ESYT2: variants seen among roughly 807,000 people sequenced by gnomAD.
The protein encoded by ESYT2 is extended synaptotagmin 2, also known as extended synaptotagmin-2.
Under a neutral mutation model 107.2 loss-of-function variants are expected in ESYT2, and 54 were observed. The ratio of observed to expected loss-of-function variants is 0.50; its 90% CI spans 0.40 to 0.63. The LOEUF (loss-of-function observed/expected upper bound fraction) is 0.63, where lower values mean the gene tolerates loss of function less well. ESYT2 is among the 30% of genes least tolerant of loss of function. The pLI is 0.00. For synonymous variants in ESYT2, 491 were observed against 434.1 expected, an observed-to-expected ratio of 1.13 and a Z score of -1.63; for missense variants, 1,020 against 1,094.5, an observed-to-expected ratio of 0.93 and a Z score of 0.96.
intron 7 of ESYT2, among the ~76,000 whole-genome samples, chr7:158,772,445 T>G (rs1563642066): frequency 1.3e-5 from 2 of 152,218 alleles, no homozygotes; most frequent in African/African-American, 4.8e-5. Flanking sequence ...GTTTCATAAT[T>G]TTCTAAACTA....
At chr7:158,757,444 T>C (rs1360895821) in intron 13 of ESYT2, among the ~76,000 whole-genome samples, 2 of 152,204 alleles carry the variant, frequency 1.3e-5, no homozygotes, top group East Asian at 3.9e-4. Context: ...CTTAGGGCAG[T>C]GGAGCCAGGG....
In ESYT2 at chr7:158,767,684, T is replaced by G. The variant is rs753491578; in HGVS notation, c.894A>C (p.Gln298His). 1 of 1,612,784 alleles carries G rather than the reference T, an allele frequency of 6.2e-7. No individual in the cohort carries two copies. Among genetic ancestry groups the G allele is most frequent in the East Asian group, 2.2e-5 (1 of 44,808 alleles). Residue 298 changes from glutamine (Q) to histidine (H), a missense_variant, in exon 8 of 23, where the codon CAA (glutamine) becomes CAC (histidine). Gln to His is a conservative substitution (Grantham distance 24). Coordinates refer to ENST00000275418, the MANE Select transcript of ESYT2 (RefSeq NM_001367773.1). ...GTACAGGAAACCGCAACTGAGCTAT[T>G]TGAACTTCACTGACAAGTGGAACGG... ...RITVPLVSEV[Q>H]IAQLRFPVPK... is the part of the protein sequence containing the mutation.
chr7:158,758,528 GA>G (rs1262646815), intron 13 of ESYT2, among the ~76,000 whole-genome samples: 1 of 152,216 alleles, frequency 6.6e-6, no homozygotes, highest in African/African-American at 2.4e-5. Context: ...AAAGACACAG[GA>G]AGACGATTTA....
chr7:158,793,019 C>T (rs1022268042), intron 4 of ESYT2, among the ~76,000 whole-genome samples: 1 of 152,046 alleles, frequency 6.6e-6, no homozygotes, highest in African/African-American at 2.4e-5. Context: ...CCGCCCGCCT[C>T]GGCCTTCCAA....
chr7:158,733,335 T>TG lies in ESYT2; in HGVS notation c.*871dup, dbSNP rs1316069789. ...ATTGAAAATTAACAAAGCTCATGAC[T>TG]GATTGTTTGACAACAGCTTAATTGC... On this transcript the variant is annotated 3_prime_UTR_variant, in exon 23 of 23. Coordinates refer to ENST00000275418, the MANE Select transcript of ESYT2 (RefSeq NM_001367773.1). 1 of 152,250 alleles carries TG rather than the reference T, an allele frequency of 6.6e-6. No homozygotes were observed. The highest frequency in any genetic ancestry group is 1.5e-5 in the Non-Finnish European group (1 of 68,030). The allele number at this position is 152,250 out of a possible 1,614,324, so 9.4% of individuals were successfully genotyped here. A position where few individuals can be genotyped will look rare whatever the true frequency, so the allele number is the denominator to read the frequency against.
In ESYT2 at chr7:158,733,459, C is replaced by T. The variant is rs1013466095; in HGVS notation, c.*748G>A. On this transcript the variant is annotated 3_prime_UTR_variant, in exon 23 of 23. Transcript: ENST00000275418. ...AACAGCAATTAAAATAAACATAAGA[C>T]ACTTCATTTTTATGTAAGAAATTTC... The T allele has an allele frequency of 2.6e-5, 4 of 152,168 alleles. No individual in the cohort carries two copies. Among genetic ancestry groups the T allele is most frequent in the South Asian group, 4.1e-4 (2 of 4,832 alleles). 9.4% of individuals were successfully genotyped at this position (152,168 alleles called of 1,614,324 possible). A position where few individuals can be genotyped will look rare whatever the true frequency, so the allele number is the denominator to read the frequency against.
intron 14 of ESYT2, 116 bp downstream of exon 14, chr7:158,752,665 A>T (rs1020576695): frequency 7.1e-6 from 4 of 566,778 alleles, no homozygotes; most frequent in Non-Finnish European, 1.1e-5. Flanking sequence ...CTTCCACTAG[A>T]CAATTAATTA....
At chr7:158,763,338 AGG>A (rs1313480000) in intron 9 of ESYT2, among the ~76,000 whole-genome samples, 173 bp from the exon 10 acceptor site, 3 of 152,080 alleles carry the variant, frequency 2.0e-5, no homozygotes, top group Non-Finnish European at 4.4e-5. Flanking sequence ...TCTATCTCCC[AGG>A]TTGGAGTGCA....
At chr7:158,793,570 G>A (rs1839372169) in intron 4 of ESYT2, 80 bp downstream of exon 4, 4 of 1,027,496 alleles carry the variant, frequency 3.9e-6, no homozygotes, top group South Asian at 1.3e-5. Context: ...TGTGCTCACT[G>A]TATCCTCCAC....
chr7:158,793,716 A>G lies in ESYT2; in HGVS notation c.518T>C (p.Ile173Thr), dbSNP rs1377816522. Residue 173 changes from isoleucine (I) to threonine (T), a missense_variant, in exon 4 of 23, where the codon ATC (isoleucine) becomes ACC (threonine). Transcript: ENST00000275418. ...KVDVGQQPLRINGVKVYTENV... is the reference protein window; with the variant it reads ...KVDVGQQPLRTNGVKVYTENV... ...TTCAGTGTATACCTTAACACCATTG[A>G]TCCTGAGGGGCTGAAATAAGAAGTA... The G allele has an allele frequency of 6.2e-7, 1 of 1,613,036 alleles. No homozygotes were observed.
rs111545784 is a variant in ESYT2, at chr7:158,818,810, C to A, written c.330+10279G>T. Among the ~76,000 whole-genome samples, 744 of 152,344 alleles carry A rather than the reference C, an allele frequency of 4.9e-3. 6 individuals are homozygous for A. Among genetic ancestry groups the A allele is most frequent in the African/African-American group, 0.017 (720 of 41,572 alleles). On this transcript the variant is annotated intron_variant, in intron 1 of 22. Coordinates refer to ENST00000275418, the MANE Select transcript of ESYT2 (RefSeq NM_001367773.1). ...TTAGGAAGGGGTGGGTCTCAGGGCGCAACCCACACCCACCAGAGCCAGAGC... is the reference window on the plus strand; with the variant it reads ...TTAGGAAGGGGTGGGTCTCAGGGCGAAACCCACACCCACCAGAGCCAGAGC...
rs773824874 is a variant in ESYT2 at position 158,798,091 on chromosome 7, G to T, written c.373-15C>A. ...TGTTTTACAGTCTGGAAAGGAAAAA[G>T]AACTCAGTTTAAACAAAATGCTATA... is the stretch of plus-strand genomic sequence containing the variant. On this transcript the variant is annotated splice_polypyrimidine_tract_variant and intron_variant, in intron 2 of 22. Coordinates refer to ENST00000275418, the MANE Select transcript of ESYT2 (RefSeq NM_001367773.1). The T allele has an allele frequency of 1.7e-5, 28 of 1,613,718 alleles. No homozygotes were observed. Among genetic ancestry groups the T allele is most frequent in the Non-Finnish European group, 1.9e-5 (23 of 1,179,912 alleles).
rs752152653 is a variant in ESYT2, at chr7:158,737,189, C to A, written c.2268-10G>T. 1.2e-6 allele frequency: 2 copies of A among 1,613,162 alleles called. No individual in the cohort carries two copies. The highest frequency in any genetic ancestry group is 3.3e-5 in the Admixed American group (2 of 59,998). ...GAAGGCAATGAGGTTTCTTACAACA[C>A]AAACCAGATAAGACGAGGTATTAGG... is the stretch of plus-strand genomic sequence containing the variant. On this transcript the variant is annotated splice_polypyrimidine_tract_variant and intron_variant, in intron 19 of 22. Transcript: ENST00000275418.
Position 158,735,529 on chromosome 7 carries a change from A to C in ESYT2, c.2479T>G (p.Ser827Ala). The change falls in exon 21 of 23, where the codon TCC becomes GCC. Residue 827 changes from serine to alanine, a missense_variant. Ser to Ala is a moderately conservative substitution (Grantham distance 99). Coordinates refer to ENST00000275418, the MANE Select transcript of ESYT2 (RefSeq NM_001367773.1). ...VAVKNSGGFL[S>A]KDKGLLGKVL... is the part of the protein sequence containing the mutation. Reference sequence around the variant, plus strand: ...TTGCCAAGGAGCCCTTTGTCTTTGGACAGGAAGCCGCCACTGTTCTTCACG... The same window carrying C: ...TTGCCAAGGAGCCCTTTGTCTTTGGCCAGGAAGCCGCCACTGTTCTTCACG... 1 of 1,614,146 alleles carries C rather than the reference A, an allele frequency of 6.2e-7. No homozygotes were observed. Among genetic ancestry groups the C allele is most frequent in the Non-Finnish European group, 8.5e-7 (1 of 1,179,994 alleles).
At chr7:158,772,864 A>G (rs1427257846) in intron 7 of ESYT2, among the ~76,000 whole-genome samples, 2 of 149,272 alleles carry the variant, frequency 1.3e-5, no homozygotes, top group Non-Finnish European at 3.0e-5. Context: ...ACTGTCCCCA[A>G]CCCATTTCAA....
At chr7:158,744,504 T>G (rs951569391) in intron 16 of ESYT2, among the ~76,000 whole-genome samples, 4 of 152,158 alleles carry the variant, frequency 2.6e-5, no homozygotes, top group African/African-American at 9.7e-5. Flanking sequence ...AAATCCACAT[T>G]AAAGAAAATT....
intron 1 of ESYT2, among the ~76,000 whole-genome samples, chr7:158,827,149 A>G (rs1213787059): frequency 1.4e-5 from 2 of 145,788 alleles, no homozygotes; most frequent in Non-Finnish European, 3.0e-5. Flanking sequence ...GGCAACAGGG[A>G]GAGGCTCTGT....
At chr7:158,766,738 C>A (rs1004939009) in intron 8 of ESYT2, among the ~76,000 whole-genome samples, 1 of 152,202 alleles carries the variant, frequency 6.6e-6, no homozygotes, top group South Asian at 2.1e-4. Flanking sequence ...CAACTTACCA[C>A]GTCCTGTTTC....
intron 1 of ESYT2, among the ~76,000 whole-genome samples, chr7:158,806,124 C>T (rs842428): frequency 0.68 from 100,076 of 147,744 alleles, 35,257 homozygotes; most frequent in Non-Finnish European, 0.77. Flanking sequence ...GGGCACACCG[C>T]GTGGGAGGTG....
Sources: allele counts gnomAD v4.1 joint callset (sites outside exome capture counted in the v4.1 genomes callset), GRCh38; gene constraint gnomAD v4.1.1; transcripts MANE v1.5; gene names NCBI Gene and HGNC (gene_info 2026-07-23, HGNC 2026-07-21).